FBRSL1: variants seen among roughly 807,000 people sequenced by gnomAD.
The protein encoded by FBRSL1 is fibrosin-1-like protein.
In FBRSL1, 51 loss-of-function variants were observed where a neutral mutation model predicts 89.6. That is an observed-to-expected ratio of 0.57 (90% CI 0.45 to 0.72). FBRSL1 has a LOEUF of 0.72. FBRSL1 is among the 30% of genes least tolerant of loss of function. The pLI, the probability that FBRSL1 is intolerant of heterozygous loss-of-function variation, is 0.00. For missense variants in FBRSL1, 1,618 were observed against 1,451.8 expected, an observed-to-expected ratio of 1.11 and a Z score of -1.86; for synonymous variants, 779 against 681.1, an observed-to-expected ratio of 1.14 and a Z score of -2.24.
chr12:132,510,036 C>G, intron 2 of FBRSL1: 3 of 1,231,484 alleles, frequency 2.4e-6, no homozygotes, highest in Non-Finnish European at 3.0e-6. Flanking sequence ...CCCAGAGCAG[C>G]CCGGCCCACT....
chr12:132,536,860 C>T (rs1165928882), intron 4 of FBRSL1, among the ~76,000 whole-genome samples: 7 of 152,226 alleles, frequency 4.6e-5, no homozygotes, highest in African/African-American at 9.7e-5. Flanking sequence ...TGTGAGTGCA[C>T]GTGTGTACAT....
Position 132,490,747 on chromosome 12 carries a change from C to G in FBRSL1, c.177C>G (p.Pro59=), listed in dbSNP as rs773841775. Residue 59 remains proline (P), a synonymous_variant, in exon 1 of 19, where the codon CCC becomes CCG. Transcript: ENST00000680143. ...LRGAPPRGAA[P]APRTARPPRR... ...GCGCGCCCCCCCGAGGCGCCGCCCC[C>G]GCGCCCCGCACCGCGCGTCCCCCGC... 8.6e-6 allele frequency: 9 copies of G among 1,042,758 alleles called. No homozygotes were observed. The highest frequency in any genetic ancestry group is 9.2e-6 in the Non-Finnish European group (8 of 871,938). The allele number at this position is 1,042,758 out of a possible 1,614,324, so 64.6% of individuals were successfully genotyped here.
At chr12:132,570,736 A>C (rs1228796196) in intron 8 of FBRSL1, among the ~76,000 whole-genome samples, 196 bp downstream of exon 8, 1 of 152,110 alleles carries the variant, frequency 6.6e-6, no homozygotes, top group African/African-American at 2.4e-5. Context: ...GTGTGCGGGG[A>C]CAGGCAGGAC....
intron 2 of FBRSL1, among the ~76,000 whole-genome samples, chr12:132,516,065 G>A (rs2136735523): frequency 6.6e-6 from 1 of 152,134 alleles, no homozygotes; most frequent in South Asian, 2.1e-4. Context: ...ATCATTACAG[G>A]CACTATAGAC....
At chr12:132,581,185 T>TTAG (rs200344332) in intron 15 of FBRSL1, 1 of 975,416 alleles carries the variant, frequency 1.0e-6, no homozygotes, top group African/African-American at 1.9e-5. Context: ...TGCATCGCAC[T>TTAG]CAGCACCTCC....
Position 132,574,339 on chromosome 12 carries a change from G to A in FBRSL1, c.1620G>A (p.Ala540=), listed in dbSNP as rs780113551. The A allele has an allele frequency of 1.5e-5, 23 of 1,549,304 alleles. No homozygotes were observed. The highest frequency in any genetic ancestry group is 2.4e-5 in the East Asian group (1 of 40,866). The change falls in exon 13 of 19, where the codon GCG becomes GCA. Residue 540 remains alanine (A), a synonymous_variant. Coordinates refer to ENST00000680143, the MANE Select transcript of FBRSL1 (RefSeq NM_001367871.1). ...KAPGVSDPYR[A]VVKKPGRWCA... ...CACAGGTGTCTGACCCGTACCGGGC[G>A]GTGGTCAAGGTGAGCACGTGTTGGG... is the stretch of plus-strand genomic sequence containing the variant.
Position 132,572,510 on chromosome 12 carries a change from C to T in FBRSL1, c.1435-17C>T, listed in dbSNP as rs2040102486. 6.5e-7 allele frequency: 1 copy of T among 1,544,078 alleles called. No individual in the cohort carries two copies. The highest frequency in any genetic ancestry group is 8.8e-7 in the Non-Finnish European group (1 of 1,140,252). On this transcript the variant is annotated splice_polypyrimidine_tract_variant and intron_variant, in intron 10 of 18. Transcript: ENST00000680143. Reference sequence around the variant, plus strand: ...AGGACTTGGGCCCCCCCTCCATCCGCTCTCCTTCTCTTACAGTTCTTCCCG... The same window carrying T: ...AGGACTTGGGCCCCCCCTCCATCCGTTCTCCTTCTCTTACAGTTCTTCCCG...
At chr12:132,570,676 C>T in intron 8 of FBRSL1, 136 bp downstream of exon 8, 1 of 792,714 alleles carries the variant, frequency 1.3e-6, no homozygotes, top group South Asian at 2.1e-5. Flanking sequence ...CTGAGTGGTT[C>T]CCCCAGGTGT....
At chr12:132,543,269 G>A (rs540484279) in intron 4 of FBRSL1, among the ~76,000 whole-genome samples, 14 of 152,352 alleles carry the variant, frequency 9.2e-5, no homozygotes, top group Middle Eastern at 3.4e-3. Context: ...CTGCAGATGA[G>A]GAAACAGGCT....
chr12:132,491,444 C>G (rs923629333), intron 1 of FBRSL1, among the ~76,000 whole-genome samples: 2 of 152,376 alleles, frequency 1.3e-5, no homozygotes, highest in South Asian at 4.1e-4. Context: ...ATGAACTCAG[C>G]TGAGCAGAGA....
intron 5 of FBRSL1, chr12:132,565,492 TACCCAACTGTCCTCATGTAC>T (rs2039536243): frequency 2.0e-5 from 3 of 152,366 alleles, no homozygotes; most frequent in South Asian, 4.1e-4. Context: ...CACGTACACG[TACCCAACTGTCCTCATGTAC>T]ACGTACCCGA....
At chr12:132,492,888 A>C (rs2031312454) in intron 1 of FBRSL1, among the ~76,000 whole-genome samples, 1 of 152,210 alleles carries the variant, frequency 6.6e-6, no homozygotes, top group Non-Finnish European at 1.5e-5. Flanking sequence ...TTGGTTGTCT[A>C]CATTTTTTGC....
At chr12:132,534,917 A>G (rs1027615966) in intron 4 of FBRSL1, among the ~76,000 whole-genome samples, 2 of 152,216 alleles carry the variant, frequency 1.3e-5, no homozygotes, top group African/African-American at 4.8e-5. Flanking sequence ...CCCCACCCAC[A>G]GCTCCCTGCA....
At chr12:132,561,476 C>T (rs962775765) in intron 5 of FBRSL1, among the ~76,000 whole-genome samples, 5 of 152,104 alleles carry the variant, frequency 3.3e-5, no homozygotes, top group Admixed American at 2.6e-4. Flanking sequence ...TGTGGTTACC[C>T]TAGAGACGAG....
At chr12:132,537,759 T>A (rs1356282295) in intron 4 of FBRSL1, among the ~76,000 whole-genome samples, 5 of 152,206 alleles carry the variant, frequency 3.3e-5, no homozygotes, top group African/African-American at 1.2e-4. Flanking sequence ...CAATGCGGAC[T>A]TCAGAGCCCA....
At position 132,583,972 on chromosome 12, in the gene FBRSL1, T is replaced by A. The variant is rs991590980; in HGVS notation, c.*194T>A. 3.5e-6 allele frequency: 1 copy of A among 284,390 alleles called. No homozygotes were observed. The highest frequency in any genetic ancestry group is 2.2e-5 in the African/African-American group (1 of 44,896). 17.6% of individuals were successfully genotyped at this position (284,390 alleles called of 1,614,324 possible). On this transcript the variant is annotated 3_prime_UTR_variant, in exon 19 of 19. Coordinates refer to ENST00000680143, the MANE Select transcript of FBRSL1 (RefSeq NM_001367871.1). ...GTTTTCCGAGTTTGGGATTCGGCTGTTGGGAAAAAAAAATCGCGTTTGTAC... is the reference window on the plus strand; with the variant it reads ...GTTTTCCGAGTTTGGGATTCGGCTGATGGGAAAAAAAAATCGCGTTTGTAC...
intron 1 of FBRSL1, among the ~76,000 whole-genome samples, chr12:132,504,684 T>G (rs1446574884): frequency 6.6e-6 from 1 of 152,112 alleles, no homozygotes; most frequent in Non-Finnish European, 1.5e-5. Context: ...GAGGCGGCCC[T>G]GGCTGGCACC....
At chr12:132,513,951 C>T in intron 2 of FBRSL1, among the ~76,000 whole-genome samples, 1 of 152,152 alleles carries the variant, frequency 6.6e-6, no homozygotes, top group Admixed American at 6.5e-5. Context: ...CATCTGCCTG[C>T]AGACCCTCGT....
chr12:132,524,201 G>A (rs1197819867), intron 2 of FBRSL1, among the ~76,000 whole-genome samples: 1 of 152,262 alleles, frequency 6.6e-6, no homozygotes, highest in East Asian at 1.9e-4. Context: ...AGCCTGGCCA[G>A]GGCCTGTGAG....
Sources: allele counts gnomAD v4.1 joint callset (sites outside exome capture counted in the v4.1 genomes callset), GRCh38; gene constraint gnomAD v4.1.1; transcripts MANE v1.5; gene names NCBI Gene and HGNC (gene_info 2026-07-23, HGNC 2026-07-21).